DNAH2: variants seen among roughly 807,000 people sequenced by gnomAD.
The protein encoded by DNAH2 is dynein axonemal heavy chain 2, also known as axonemal beta dynein heavy chain 2.
DNAH2 carries 323 observed loss-of-function variants against 523.5 expected under a neutral mutation model. The observed-to-expected ratio is 0.62, with a 90% CI of 0.56 to 0.68. DNAH2 has a LOEUF of 0.68. DNAH2 is among the 30% of genes least tolerant of loss of function. The pLI is 0.00. For missense variants in DNAH2, 4,907 were observed against 5,701.5 expected, an observed-to-expected ratio of 0.86 and a Z score of 4.49; for synonymous variants, 2,093 against 2,177.4, an observed-to-expected ratio of 0.96 and a Z score of 1.08.
Position 7,823,345 on chromosome 17 carries a change from TACAG to T in DNAH2, c.11143-95_11143-92del, listed in dbSNP as rs1186997602. The T allele has an allele frequency of 7.9e-6, 8 of 1,009,664 alleles. No individual in the cohort carries two copies. In the East Asian group the frequency reaches 2.3e-4, roughly 29 times the overall value. The allele number at this position is 1,009,664 out of a possible 1,614,324, so 62.5% of individuals were successfully genotyped here. On this transcript the variant is annotated intron_variant, in intron 73 of 85. Coordinates refer to ENST00000572933, the MANE Select transcript of DNAH2 (RefSeq NM_020877.5). ...GTTTTCCCACCGAGAGAGAGAAAAA[TACAG>T]AGAGAGAGAGAGAGAGAGAGAGGAG... is the stretch of plus-strand genomic sequence containing the variant.
chr17:7,741,611 G>A (rs576457235), intron 11 of DNAH2, among the ~76,000 whole-genome samples: 3 of 151,796 alleles, frequency 2.0e-5, no homozygotes, highest in South Asian at 4.2e-4. Flanking sequence ...ACCCACCTGG[G>A]CCTCCCAAAG....
chr17:7,730,130 TAA>T (rs563065510), intron 4 of DNAH2, among the ~76,000 whole-genome samples: 25 of 124,840 alleles, frequency 2.0e-4, no homozygotes, highest in Admixed American at 7.1e-4. Context: ...GGGATTCAAT[TAA>T]AAAAAAAAAA....
At chr17:7,788,366 C>T in intron 44 of DNAH2, 122 bp downstream of exon 44, 1 of 1,247,538 alleles carries the variant, frequency 8.0e-7, no homozygotes, top group Non-Finnish European at 1.1e-6. Context: ...AGCAGAGACT[C>T]CAGGGGGAGG....
Position 7,816,601 on chromosome 17 carries a change from C to T in DNAH2, c.9760C>T (p.Gln3254Ter), listed in dbSNP as rs1294284376. 1 of 1,614,042 alleles carries T rather than the reference C, an allele frequency of 6.2e-7. No individual in the cohort carries two copies. Among genetic ancestry groups the T allele is most frequent in the Non-Finnish European group, 8.5e-7 (1 of 1,180,048 alleles). The change falls in exon 64 of 86, where the codon CAG becomes TAG. Residue 3254 changes from glutamine to a stop codon, truncating the protein, a stop_gained. Transcript: ENST00000572933. LOFTEE classifies it high-confidence loss of function. ...VAEKLEMLKKQYDEKLAQKEE... is the reference protein window; with the variant it reads ...VAEKLEMLKK The stretch of plus-strand genomic sequence containing the variant: ...TGAGAAACTGGAGATGCTAAAGAAA[C>T]AGTATGATGAGAAGCTGGCACAGAA...
In DNAH2 at chr17:7,824,234, C is replaced by T; in HGVS notation, c.11592C>T (p.Phe3864=). 1.9e-6 allele frequency: 3 copies of T among 1,603,966 alleles called. No individual in the cohort carries two copies. The highest frequency in any genetic ancestry group is 2.6e-6 in the Non-Finnish European group (3 of 1,176,104). ...AGCACATGGGCATGGCCCAGCGCTT[C>T]CACGCCCTGTCCCTGGGCCAGGGCC... ...LAEHMGMAQR[F]HALSLGQGQA... The change falls in exon 76 of 86, where the codon TTC becomes TTT. Residue 3864 remains phenylalanine, a synonymous_variant. Coordinates refer to ENST00000572933, the MANE Select transcript of DNAH2 (RefSeq NM_020877.5).
intron 72 of DNAH2, among the ~76,000 whole-genome samples, chr17:7,820,584 CT>C (rs1453885526): frequency 1.3e-5 from 2 of 152,222 alleles, no homozygotes; most frequent in African/African-American, 4.8e-5. Context: ...TCCTCGGAAA[CT>C]TTCCAAGTCC....
chr17:7,718,845 G>T (rs1214659814), intron 1 of DNAH2, 46 bp downstream of exon 1: 1 of 152,690 alleles, frequency 6.5e-6, no homozygotes, highest in Non-Finnish European at 1.5e-5. Flanking sequence ...GCAGATTTTA[G>T]TGGGATTGGG....
At chr17:7,811,177 C>G (rs2077507056) in intron 63 of DNAH2, among the ~76,000 whole-genome samples, 1 of 152,110 alleles carries the variant, frequency 6.6e-6, no homozygotes, top group South Asian at 2.1e-4. Flanking sequence ...CAAATTATGT[C>G]TAGTCACATT....
At chr17:7,777,298 G>A in intron 32 of DNAH2, 148 bp from the exon 33 acceptor site, 1 of 838,770 alleles carries the variant, frequency 1.2e-6, no homozygotes, top group South Asian at 1.6e-5. Flanking sequence ...AGTCCAGTGG[G>A]GGCAGTCCGT....
intron 12 of DNAH2, 149 bp downstream of exon 12, chr17:7,743,291 TC>T (rs1179457016): frequency 1.1e-6 from 1 of 931,652 alleles, no homozygotes; most frequent in Non-Finnish European, 1.7e-6. Context: ...TTTTTTTTCT[TC>T]TTTTATTTTT....
In DNAH2 at chr17:7,786,958, G is replaced by T; in HGVS notation, c.6528G>T (p.Glu2176Asp). The T allele has an allele frequency of 6.2e-7, 1 of 1,614,252 alleles. No homozygotes were observed. The highest frequency in any genetic ancestry group is 8.5e-7 in the Non-Finnish European group (1 of 1,180,052). Residue 2176 changes from glutamate (E) to aspartate (D), a missense_variant, in exon 42 of 86, where the codon GAG becomes GAT. Glu to Asp is a conservative substitution (Grantham distance 45, BLOSUM62 2). Transcript: ENST00000572933. This position sits in a 1 kb window ranked among gnomAD's most constrained non-coding sequence, Gnocchi z 7.5. The part of the protein sequence containing the change: ...FDGPVDTLWI[E>D]NMNSVMDDNK... ...GCCCCGTGGACACACTGTGGATCGA[G>T]AACATGAACTCCGTCATGGACGATA...
rs1028139854 is a variant in DNAH2, at chr17:7,798,517, G to A, written c.8399-41G>A. 6.2e-7 allele frequency: 1 copy of A among 1,609,494 alleles called. No individual in the cohort carries two copies. The highest frequency in any genetic ancestry group is 8.5e-7 in the Non-Finnish European group (1 of 1,177,882). On this transcript the variant is annotated intron_variant, in intron 54 of 85. Coordinates refer to ENST00000572933, the MANE Select transcript of DNAH2 (RefSeq NM_020877.5). This position sits in a 1 kb window ranked among gnomAD's most constrained non-coding sequence, Gnocchi z 5.5. ...GAAAAGGAATCAAGCCCAGGATGGG[G>A]AATCTGCAGTGAGTTTGTCCTCCTT...
Position 7,780,940 on chromosome 17 carries a change from CT to C in DNAH2, c.6004-101del, listed in dbSNP as rs2076588821. The C allele has an allele frequency of 1.3e-6, 2 of 1,587,140 alleles. No individual in the cohort carries two copies. The highest frequency in any genetic ancestry group is 3.4e-5 in the Admixed American group (2 of 59,572). On this transcript the variant is annotated intron_variant, in intron 38 of 85. Coordinates refer to ENST00000572933, the MANE Select transcript of DNAH2 (RefSeq NM_020877.5). This position sits in a 1 kb window ranked among gnomAD's most constrained non-coding sequence, Gnocchi z 4.4. The stretch of plus-strand genomic sequence containing the variant: ...TGCCCGCTGCTTTGCTAATGGCTAA[CT>C]GGTGTATCCATTGTTCTTGGCACGT...
intron 2 of DNAH2, among the ~76,000 whole-genome samples, chr17:7,721,004 C>CTTTTTTTTTTTTTT (rs71159523): frequency 2.1e-4 from 23 of 109,708 alleles, no homozygotes; most frequent in East Asian, 5.8e-4. Context: ...TTCTTTCTTT[C>CTTTTTTTTTTTTTT]TTTTTTTTTT....
Position 7,799,213 on chromosome 17 carries a change from C to A in DNAH2, c.8670C>A (p.Leu2890=). 1 of 1,614,274 alleles carries A rather than the reference C, an allele frequency of 6.2e-7. No homozygotes were observed. The highest frequency in any genetic ancestry group is 1.1e-5 in the South Asian group (1 of 91,088). The part of the protein sequence containing the change: ...ERVQNNLHIV[L]CLSPMGDPFR... Reference sequence around the variant, plus strand: ...TGCAGAACAACCTGCACATCGTGCTCTGCCTCAGCCCCATGGGGGATCCCT... The same window carrying A: ...TGCAGAACAACCTGCACATCGTGCTATGCCTCAGCCCCATGGGGGATCCCT... The change falls in exon 56 of 86, where the codon CTC becomes CTA. Residue 2890 remains leucine (L), a synonymous_variant. Coordinates refer to ENST00000572933, the MANE Select transcript of DNAH2 (RefSeq NM_020877.5).
Position 7,729,376 on chromosome 17 carries a change from A to G in DNAH2, c.399+2084A>G, listed in dbSNP as rs376673014. ...TCCTGGGCAACATAGCAAGACCGCC[A>G]TCTCCAAAAAGAAAAAAAAAAAAAG... On this transcript the variant is annotated intron_variant, in intron 4 of 85. Coordinates refer to ENST00000572933, the MANE Select transcript of DNAH2 (RefSeq NM_020877.5). Among the ~76,000 whole-genome samples the G allele has an allele frequency of 7.9e-5, 12 of 151,182 alleles. No individual in the cohort carries two copies. In the East Asian group the frequency reaches 1.8e-3, roughly 22 times the overall value.
In DNAH2 at chr17:7,824,130, G is replaced by T. The variant is rs755096101; in HGVS notation, c.11488G>T (p.Asp3830Tyr). ...PVLNMKSVLE[D>Y]STPRSPLVFI... ...CCTGTGCTTCTGGCAGGTGCTGGAG[G>T]ATTCAACCCCACGATCCCCACTCGT... Residue 3830 changes from aspartate to tyrosine, a missense_variant, in exon 76 of 86, where the codon GAT becomes TAT. Physicochemically the swap from Asp to Tyr is radical, Grantham distance 160. Coordinates refer to ENST00000572933, the MANE Select transcript of DNAH2 (RefSeq NM_020877.5). The T allele has an allele frequency of 2.2e-5, 34 of 1,560,914 alleles. 1 individual carries two copies. The South Asian group carries it at 3.7e-4, about 17-fold the overall frequency.
chr17:7,768,361 A>C, intron 24 of DNAH2, 94 bp downstream of exon 24: 1 of 1,225,138 alleles, frequency 8.2e-7, no homozygotes, highest in Admixed American at 1.9e-5. Flanking sequence ...CAGTGTTCAC[A>C]GCCCTCTCTT....
Position 7,764,099 on chromosome 17 carries a change from C to T in DNAH2, c.3180-18C>T. The stretch of plus-strand genomic sequence containing the variant: ...ACTGGGCCTTCCACTCACTAGCACT[C>T]CCTTTGCCCGCCTTCAGAATCAGCC... On this transcript the variant is annotated intron_variant, in intron 19 of 85. Coordinates refer to ENST00000572933, the MANE Select transcript of DNAH2 (RefSeq NM_020877.5). The T allele has an allele frequency of 1.2e-6, 2 of 1,614,234 alleles. No homozygotes were observed. Among genetic ancestry groups the T allele is most frequent in the Non-Finnish European group, 1.7e-6 (2 of 1,180,042 alleles).
Sources: gnomAD v4.1 joint callset for allele counts (sites outside exome capture counted in the v4.1 genomes callset) on GRCh38, gnomAD v4.1.1 for gene constraint, Gnocchi (gnomAD v3.1) non-coding constraint, MANE v1.5 for transcripts, NCBI Gene and HGNC (gene_info 2026-07-23, HGNC 2026-07-21) for gene names.